EDAR: variants seen among roughly 807,000 people sequenced by gnomAD.
EDAR encodes the protein tumor necrosis factor receptor superfamily member EDAR.
In EDAR, 38 loss-of-function variants were observed where a neutral mutation model predicts 51.3. The observed-to-expected ratio is 0.74, with a 90% CI of 0.57 to 0.97. EDAR has a LOEUF of 0.97. EDAR is among the 50% of genes least tolerant of loss of function. The probability of loss-of-function intolerance (pLI) is 0.00; values close to 1 mark genes in which losing one functional copy is unlikely to be tolerated. For missense variants in EDAR, 528 were observed against 595.0 expected (o/e 0.89, Z 1.17); for synonymous variants, 227 against 242.1 (o/e 0.94, Z 0.58).
intron 1 of EDAR, among the ~76,000 whole-genome samples, chr2:108,960,558 C>T (rs1270090475): frequency 1.3e-5 from 2 of 152,188 alleles, no homozygotes; most frequent in Non-Finnish European, 2.9e-5. Context: ...GAAAAGTGGA[C>T]AACAACTTCC....
intron 1 of EDAR, among the ~76,000 whole-genome samples, chr2:108,940,825 C>A (rs1416271984): frequency 6.6e-6 from 1 of 152,236 alleles, no homozygotes; most frequent in Non-Finnish European, 1.5e-5. Context: ...TGATTAGTGG[C>A]ACAGATTTTT....
At chr2:108,968,170 A>T (rs1049860220) in intron 1 of EDAR, among the ~76,000 whole-genome samples, 1 of 152,142 alleles carries the variant, frequency 6.6e-6, no homozygotes, top group Non-Finnish European at 1.5e-5. Flanking sequence ...TTTAGTGGAA[A>T]CTGTCTCTTC....
At chr2:108,976,120 A>C (rs1394789567) in intron 1 of EDAR, among the ~76,000 whole-genome samples, 1 of 152,076 alleles carries the variant, frequency 6.6e-6, no homozygotes, top group Non-Finnish European at 1.5e-5. Context: ...TTTTCTCCTA[A>C]CGTTCTTTTT....
At position 108,923,404 on chromosome 2, in the gene EDAR, A is replaced by G. The variant is rs766028277; in HGVS notation, c.406T>C (p.Tyr136His). The G allele has an allele frequency of 1.9e-6, 3 of 1,614,246 alleles. No homozygotes were observed. The highest frequency in any genetic ancestry group is 2.5e-6 in the Non-Finnish European group (3 of 1,180,044). ...RPRNIYGMVC[Y>H]SCLLAPPNTK... Reference sequence around the variant, plus strand: ...TTGGGGGGTGCCAGGAGGCAGGAGTAGCAGACCATGCCATAGATGTTCCTC... The same window carrying G: ...TTGGGGGGTGCCAGGAGGCAGGAGTGGCAGACCATGCCATAGATGTTCCTC... Residue 136 changes from tyrosine (Y) to histidine (H), a missense_variant, in exon 5 of 12, where the codon TAC becomes CAC. Coordinates refer to ENST00000258443, the MANE Select transcript of EDAR (RefSeq NM_022336.4).
At chr2:108,898,680 A>T (rs1696645581) in intron 11 of EDAR, among the ~76,000 whole-genome samples, 1 of 152,248 alleles carries the variant, frequency 6.6e-6, no homozygotes, top group South Asian at 2.1e-4. Flanking sequence ...AAGTGCTTCA[A>T]CAAGCAATTA....
chr2:108,910,623 A>G lies in EDAR; in HGVS notation c.731-91T>C, dbSNP rs1299609860. 9.3e-6 allele frequency: 13 copies of G among 1,391,796 alleles called. No individual in the cohort carries two copies. The Admixed American group carries it at 2.0e-4, about 21-fold the overall frequency. The allele number at this position is 1,391,796 out of a possible 1,614,324, so 86.2% of individuals were successfully genotyped here. ...CAACCCTGCTCTTCCTGTTGGGCAG[A>G]GCTGCCCGGTGTCTGTGTGGCACCA... On this transcript the variant is annotated intron_variant, in intron 8 of 11. Coordinates refer to ENST00000258443, the MANE Select transcript of EDAR (RefSeq NM_022336.4).
At chr2:108,984,952 T>C (rs1041831767) in intron 1 of EDAR, among the ~76,000 whole-genome samples, 4 of 152,210 alleles carry the variant, frequency 2.6e-5, no homozygotes, top group Non-Finnish European at 4.4e-5. Context: ...ATTGGAAATA[T>C]GGCAAATGGA....
chr2:108,980,464 T>C (rs1698399951), intron 1 of EDAR, among the ~76,000 whole-genome samples: 1 of 152,080 alleles, frequency 6.6e-6, no homozygotes, highest in Non-Finnish European at 1.5e-5. Flanking sequence ...TAGGTTCAAA[T>C]ATATATATAT....
chr2:108,930,002 G>T, intron 3 of EDAR, 118 bp downstream of exon 3: 1 of 1,284,150 alleles, frequency 7.8e-7, no homozygotes, highest in Non-Finnish European at 1.1e-6. Flanking sequence ...AGCGTGACCG[G>T]CTGGTTTGAT....
chr2:108,945,905 G>A (rs1167905325), intron 1 of EDAR, among the ~76,000 whole-genome samples: 3 of 152,182 alleles, frequency 2.0e-5, no homozygotes, highest in Non-Finnish European at 4.4e-5. Flanking sequence ...AGGGGCACAT[G>A]TTACTTTGTC....
At chr2:108,987,416 A>G (rs1438544305) in intron 1 of EDAR, among the ~76,000 whole-genome samples, 2 of 152,200 alleles carry the variant, frequency 1.3e-5, no homozygotes, top group East Asian at 1.9e-4. Flanking sequence ...CTGCCGCCCA[A>G]TGGCAGGCAC....
intron 1 of EDAR, among the ~76,000 whole-genome samples, chr2:108,988,052 G>A (rs556939947): frequency 2.6e-4 from 40 of 152,222 alleles, no homozygotes; most frequent in African/African-American, 8.0e-4. Flanking sequence ...TGGGGACTGG[G>A]GAAGAGGACG....
chr2:108,964,778 C>T (rs1698117803), intron 1 of EDAR, among the ~76,000 whole-genome samples: 1 of 152,192 alleles, frequency 6.6e-6, no homozygotes, highest in African/African-American at 2.4e-5. Context: ...CCTTGGCTTG[C>T]TTCTACCCAG....
In EDAR at chr2:108,969,637, TG is replaced by T. The variant is rs1698204722; in HGVS notation, c.-19+19322del. Among the ~76,000 whole-genome samples, 3 of 152,352 alleles carry T rather than the reference TG, an allele frequency of 2.0e-5. No homozygotes were observed. In the South Asian group the frequency reaches 6.2e-4, roughly 32 times the overall value. On this transcript the variant is annotated intron_variant, in intron 1 of 11. Coordinates refer to ENST00000258443, the MANE Select transcript of EDAR (RefSeq NM_022336.4). Reference sequence around the variant, plus strand: ...AATTTTTCATTAAGTACAGGAATTTTGCTTTGGGTCATTTAAAGAAAAGATA... The same window carrying T: ...AATTTTTCATTAAGTACAGGAATTTTCTTTGGGTCATTTAAAGAAAAGATA...
chr2:108,910,449 C>A lies in EDAR; in HGVS notation c.803+11G>T. On this transcript the variant is annotated intron_variant, in intron 9 of 11. Coordinates refer to ENST00000258443, the MANE Select transcript of EDAR (RefSeq NM_022336.4). ...CCCAGCTTCAGCTTGGTGCTGGGGG[C>A]TTCCACATACCTCTTGGTGGGCTTT... is the stretch of plus-strand genomic sequence containing the variant. 6.2e-7 allele frequency: 1 copy of A among 1,611,430 alleles called. No individual in the cohort carries two copies. Among genetic ancestry groups the A allele is most frequent in the Non-Finnish European group, 8.5e-7 (1 of 1,178,044 alleles).
chr2:108,978,994 T>C (rs555316342), intron 1 of EDAR, among the ~76,000 whole-genome samples: 1 of 152,290 alleles, frequency 6.6e-6, no homozygotes, highest in African/African-American at 2.4e-5. Context: ...GGGGGTGTAG[T>C]GTGTGAAGTA....
chr2:108,965,733 T>C (rs867701902), intron 1 of EDAR, among the ~76,000 whole-genome samples: 7 of 151,988 alleles, frequency 4.6e-5, no homozygotes, highest in Admixed American at 1.3e-4. Flanking sequence ...AGGAGAGGTG[T>C]GACTGCTCTG....
intron 1 of EDAR, among the ~76,000 whole-genome samples, chr2:108,958,626 G>A (rs1445508261): frequency 2.6e-5 from 4 of 152,200 alleles, no homozygotes; most frequent in African/African-American, 2.4e-5. Context: ...AGCTCCCTTA[G>A]CAATGGCAGA....
At chr2:108,916,125 G>A (rs1574376144) in intron 5 of EDAR, among the ~76,000 whole-genome samples, 1 of 151,994 alleles carries the variant, frequency 6.6e-6, no homozygotes, top group East Asian at 1.9e-4. Context: ...TGAGCATAGG[G>A]GCATCATGGC....
Sources: gnomAD v4.1 joint callset for allele counts (sites outside exome capture counted in the v4.1 genomes callset) on GRCh38, gnomAD v4.1.1 for gene constraint, MANE v1.5 for transcripts, NCBI Gene and HGNC (gene_info 2026-07-23, HGNC 2026-07-21) for gene names.